FLII: variants seen among roughly 807,000 people sequenced by gnomAD.
FLII encodes FLII actin remodeling protein, also known as protein flightless-1 homolog.
FLII carries 101 observed loss-of-function variants against 156.2 expected under a neutral mutation model. That is an observed-to-expected ratio of 0.65 (90% CI 0.55 to 0.76). The LOEUF is 0.76. Among genes scored for constraint, FLII ranks in the 30% least tolerant of loss-of-function variants. FLII has a pLI of 0.00. For synonymous variants in FLII, 767 were observed against 685.8 expected, an observed-to-expected ratio of 1.12 and a Z score of -1.85; for missense variants, 1,675 against 1,682.8, an observed-to-expected ratio of 1.00 and a Z score of 0.08.
Position 18,245,173 on chromosome 17 carries a change from G to A in FLII, c.3775C>T (p.His1259Tyr). ...GCCTTGCAGAAGGCGCTCCAGGCGTGGAAGCAGCGGGTAAAGGCGTGCTGC... is the reference window on the plus strand; with the variant it reads ...GCCTTGCAGAAGGCGCTCCAGGCGTAGAAGCAGCGGGTAAAGGCGTGCTGC... ...NEQHAFTRCF[H>Y]AWSAFCKALA Residue 1259 changes from histidine to tyrosine, a missense_variant, in exon 30 of 30, where the codon CAC becomes TAC. Physicochemically the swap from His to Tyr is moderately conservative, Grantham distance 83. Transcript: ENST00000327031. 1 of 1,613,774 alleles carries A rather than the reference G, an allele frequency of 6.2e-7. No individual in the cohort carries two copies. Among genetic ancestry groups the A allele is most frequent in the Non-Finnish European group, 8.5e-7 (1 of 1,179,920 alleles).
At chr17:18,256,392 A>C (rs1477325392) in intron 3 of FLII, 134 bp downstream of exon 3, 1 of 679,396 alleles carries the variant, frequency 1.5e-6, no homozygotes, top group Non-Finnish European at 2.6e-6. Context: ...CCCCTCTGTG[A>C]CACCTGAGCC....
intron 18 of FLII, 140 bp downstream of exon 18, chr17:18,248,410 G>T: frequency 1.4e-6 from 1 of 740,218 alleles, no homozygotes; most frequent in Non-Finnish European, 2.2e-6. Flanking sequence ...TGCTCATACT[G>T]TTCCTTGTCC....
rs200455487 is a variant in FLII at position 18,246,772 on chromosome 17, T to G, written c.2873A>C (p.Lys958Thr). 8.6e-5 allele frequency: 138 copies of G among 1,613,738 alleles called. No homozygotes were observed. The highest frequency in any genetic ancestry group is 1.1e-4 in the Non-Finnish European group (130 of 1,179,840). ...TTCCTCGCCTTCTTTGCCCTCGGCC[T>G]TCTCCTCCTTGTCTTCCTTCTTTTC... ...EEEKKEDKEE[K>T]AEGKEGEEAT... Residue 958 changes from lysine (K) to threonine (T), a missense_variant, in exon 23 of 30, where the codon AAG becomes ACG. Physicochemically the swap from Lys to Thr is moderately conservative, Grantham distance 78. Transcript: ENST00000327031.
chr17:18,249,098 C>T (rs201932774), intron 16 of FLII, 29 bp downstream of exon 16: 14 of 1,594,060 alleles, frequency 8.8e-6, no homozygotes, highest in Admixed American at 1.7e-5. Flanking sequence ...GAGGATGAAG[C>T]ACCCCCACCT....
chr17:18,256,374 T>G, intron 3 of FLII, 152 bp downstream of exon 3: 3 of 635,672 alleles, frequency 4.7e-6, no homozygotes, highest in Non-Finnish European at 5.7e-6. Flanking sequence ...TAACCTCTAA[T>G]GAGAGGGCCC....
At chr17:18,247,078 C>T (rs752210180) in intron 21 of FLII, 26 bp from the exon 22 acceptor site, 7 of 1,606,480 alleles carry the variant, frequency 4.4e-6, no homozygotes, top group Admixed American at 1.7e-5. Flanking sequence ...ACCCGCCCCG[C>T]GGCAGGTCTG....
rs934011674 is a variant in FLII at position 18,254,135 on chromosome 17, G to A, written c.623C>T (p.Thr208Ile). 3 of 1,611,930 alleles carry A rather than the reference G, an allele frequency of 1.9e-6. No homozygotes were observed. Among genetic ancestry groups the A allele is most frequent in the Non-Finnish European group, 2.5e-6 (3 of 1,179,018 alleles). The change falls in exon 7 of 30, where the codon ACC becomes ATC. Residue 208 changes from threonine to isoleucine, a missense_variant. Physicochemically the swap from Thr to Ile is moderately conservative, Grantham distance 89. Coordinates refer to ENST00000327031, the MANE Select transcript of FLII (RefSeq NM_002018.4). ...GGGCAGGTTGCTCTGGGTGCGCTGG[G>A]TGCTCCGCAGGTGCAGGGTCTGCAG... ...TALQTLHLRS[T>I]QRTQSNLPTS...
At chr17:18,249,893 T>C (rs1597908659) in intron 14 of FLII, among the ~76,000 whole-genome samples, 1 of 151,562 alleles carries the variant, frequency 6.6e-6, no homozygotes, top group South Asian at 2.1e-4. Context: ...CCAAGGCGGG[T>C]GGATCACCTA....
rs2048357322 is a variant in FLII at position 18,254,427 on chromosome 17, T to TGC, written c.575+93_575+94insGC. Reference sequence around the variant, plus strand: ...GCCTGCACGGAGGGATGGCTGGGCCTAAGGGAGAAGGGTTAGGGCCCTGGG... The same window carrying TGC: ...GCCTGCACGGAGGGATGGCTGGGCCTGCAAGGGAGAAGGGTTAGGGCCCTGGG... On this transcript the variant is annotated intron_variant, in intron 6 of 29. Coordinates refer to ENST00000327031, the MANE Select transcript of FLII (RefSeq NM_002018.4). The TGC allele has an allele frequency of 3.1e-6, 4 of 1,309,630 alleles. No individual in the cohort carries two copies. The South Asian group carries it at 5.8e-5, about 19-fold the overall frequency. The allele number at this position is 1,309,630 out of a possible 1,614,324, so 81.1% of individuals were successfully genotyped here.
chr17:18,254,794 G>GC lies in FLII; in HGVS notation c.387dup (p.Leu130AlafsTer23). On this transcript the variant is annotated frameshift_variant, in exon 5 of 30. Transcript: ENST00000327031. LOFTEE classifies it high-confidence loss of function. ...CTGTTGTGGCTGAGGTTCAGCACCA[G>GC]CATGTTCTTGGCGTTCTCCAGCTCC... 6.2e-7 allele frequency: 1 copy of GC among 1,614,144 alleles called. No individual in the cohort carries two copies. The highest frequency in any genetic ancestry group is 8.5e-7 in the Non-Finnish European group (1 of 1,180,016).
At position 18,251,329 on chromosome 17, in the gene FLII, G is replaced by A. The variant is rs779542081; in HGVS notation, c.1532C>T (p.Pro511Leu). The change falls in exon 13 of 30, where the codon CCT becomes CTT. Residue 511 changes from proline (P) to leucine (L), a missense_variant. Pro to Leu is a moderately conservative substitution (Grantham distance 98, BLOSUM62 -3). Transcript: ENST00000327031. ...LTIWQIENFV[P>L]VLVEEAFHGK... ...GTGGAAGGCTTCCTCCACCAGCACA[G>A]GCACGAAGTTCTCTATCTGCCAGAT... 1.2e-6 allele frequency: 2 copies of A among 1,613,968 alleles called. No homozygotes were observed. Among genetic ancestry groups the A allele is most frequent in the South Asian group, 2.2e-5 (2 of 91,088 alleles).
intron 7 of FLII, 165 bp downstream of exon 7, chr17:18,253,914 G>A (rs933225438): frequency 4.2e-5 from 32 of 755,128 alleles, no homozygotes; most frequent in Non-Finnish European, 6.5e-5. Flanking sequence ...TAGGCATAAA[G>A]TCAGTGTTAA....
At chr17:18,253,221 A>C in intron 9 of FLII, 80 bp downstream of exon 9, 2 of 1,466,016 alleles carry the variant, frequency 1.4e-6, no homozygotes, top group Non-Finnish European at 1.9e-6. Flanking sequence ...ACTTGCACAG[A>C]CCACAAGGTG....
rs745476880 is a variant in FLII, at chr17:18,255,266, G to A, written c.247-3C>T. On this transcript the variant is annotated splice_region_variant and splice_polypyrimidine_tract_variant and intron_variant, in intron 3 of 29. Transcript: ENST00000327031. ...CTGTTGGCTCGGGCCACGATGGCCT[G>A]GGAATAAACCATAAGAGTCTATAAT... 1 of 1,612,340 alleles carries A rather than the reference G, an allele frequency of 6.2e-7. No homozygotes were observed. The highest frequency in any genetic ancestry group is 1.1e-5 in the South Asian group (1 of 91,046).
Position 18,246,999 on chromosome 17 carries a change from G to A in FLII, c.2730C>T (p.Phe910=). The change falls in exon 22 of 30, where the codon TTC becomes TTT. Residue 910 remains phenylalanine (F), a synonymous_variant. Transcript: ENST00000327031. The part of the protein sequence containing the change: ...WNEDLDGMEG[F]VLEGKKFARL... ...GCGCAAACTTCTTGCCCTCCAGCACGAAACCCTCCATGCCGTCTAGGTCTT... is the reference window on the plus strand; with the variant it reads ...GCGCAAACTTCTTGCCCTCCAGCACAAAACCCTCCATGCCGTCTAGGTCTT... The A allele has an allele frequency of 6.2e-7, 1 of 1,614,058 alleles. No homozygotes were observed. The highest frequency in any genetic ancestry group is 8.5e-7 in the Non-Finnish European group (1 of 1,180,030).
Position 18,246,399 on chromosome 17 carries a change from T to A in FLII, c.3115A>T (p.Ile1039Phe). The change falls in exon 24 of 30, where the codon ATC (isoleucine) becomes TTC (phenylalanine). Residue 1039 changes from isoleucine to phenylalanine, a missense_variant. Coordinates refer to ENST00000327031, the MANE Select transcript of FLII (RefSeq NM_002018.4). ...GCCTTCCTCTTGCCCCGGTGGATGA[T>A]GAACTTCCTCTTGAAATGGGACAGG... ...KFLSHFKRKF[I>F]IHRGKRKAVQ... 2 of 1,614,036 alleles carry A rather than the reference T, an allele frequency of 1.2e-6. No homozygotes were observed. The highest frequency in any genetic ancestry group is 1.7e-6 in the Non-Finnish European group (2 of 1,179,998).
chr17:18,245,173 G>C lies in FLII; in HGVS notation c.3775C>G (p.His1259Asp). Reference protein sequence around the residue: ...NEQHAFTRCFHAWSAFCKALA With the variant: ...NEQHAFTRCFDAWSAFCKALA ...GCCTTGCAGAAGGCGCTCCAGGCGT[G>C]GAAGCAGCGGGTAAAGGCGTGCTGC... The change falls in exon 30 of 30, where the codon CAC becomes GAC. Residue 1259 changes from histidine to aspartate, a missense_variant. Transcript: ENST00000327031. 6.2e-7 allele frequency: 1 copy of C among 1,613,774 alleles called. No homozygotes were observed. The highest frequency in any genetic ancestry group is 1.7e-5 in the Admixed American group (1 of 60,022).
Position 18,246,142 on chromosome 17 carries a change from G to A in FLII, c.3267+20C>T, listed in dbSNP as rs879450744. The A allele has an allele frequency of 2.0e-5, 33 of 1,614,136 alleles. No individual in the cohort carries two copies. Among genetic ancestry groups the A allele is most frequent in the East Asian group, 6.7e-5 (3 of 44,874 alleles). On this transcript the variant is annotated intron_variant, in intron 25 of 29. Transcript: ENST00000327031. ...CCACCCCTTGGTCCACGGAGTCCTG[G>A]CTCACACCCACAACCCCACCTTGAG...
chr17:18,246,423 G>A lies in FLII; in HGVS notation c.3091C>T (p.Leu1031=). Residue 1031 remains leucine, a synonymous_variant, in exon 24 of 30, where the codon CTG becomes TTG. Coordinates refer to ENST00000327031, the MANE Select transcript of FLII (RefSeq NM_002018.4). ...ATGAACTTCCTCTTGAAATGGGACA[G>A]GAACTTGGGGTTCTCCTGCTGCTGC... ...MTQQQENPKF[L]SHFKRKFIIH... is the part of the protein sequence containing the mutation. 3.1e-6 allele frequency: 5 copies of A among 1,614,024 alleles called. No individual in the cohort carries two copies. Among genetic ancestry groups the A allele is most frequent in the Non-Finnish European group, 4.2e-6 (5 of 1,179,998 alleles).
Sources: gnomAD v4.1 joint callset for allele counts (sites outside exome capture counted in the v4.1 genomes callset) on GRCh38, gnomAD v4.1.1 for gene constraint, MANE v1.5 for transcripts, NCBI Gene and HGNC (gene_info 2026-07-23, HGNC 2026-07-21) for gene names.